The following DDX11 variants were observed in gnomAD, a reference collection of about 807,000 sequenced individuals.
DDX11 encodes the protein DEAD/H-box helicase 11, also known as ATP-dependent DNA helicase DDX11.
In DDX11, 72 loss-of-function variants were observed where a neutral mutation model predicts 125.2. The observed-to-expected ratio is 0.58, with a 90% confidence interval of 0.48 to 0.70. The LOEUF is 0.70. DDX11 is among the 30% of genes least tolerant of loss of function. The pLI, the probability that DDX11 is intolerant of heterozygous loss-of-function variation, is 0.00. For synonymous variants in DDX11, 347 were observed against 452.6 expected (o/e 0.77, Z 2.96); for missense variants, 883 against 1,165.0 (o/e 0.76, Z 3.52).
intron 17 of DDX11, among the ~76,000 whole-genome samples, chr12:31,097,524 C>T (rs1366015062): frequency 2.0e-5 from 3 of 148,414 alleles, no homozygotes; most frequent in Non-Finnish European, 4.5e-5. Flanking sequence ...ACTAAAAATA[C>T]AAAAAATTAG....
In DDX11 at chr12:31,094,740, T is replaced by C. The variant is rs543697597; in HGVS notation, c.1415-15T>C. On this transcript the variant is annotated splice_polypyrimidine_tract_variant and intron_variant, in intron 13 of 26. Coordinates refer to ENST00000542838, the MANE Select transcript of DDX11 (RefSeq NM_030653.4). The stretch of plus-strand genomic sequence containing the variant: ...AGGGTGAAGCTCCCAAGGCCCTTCA[T>C]GTGTTTGTTCTCAGGGACGGAGCTG... The C allele has an allele frequency of 6.2e-7, 1 of 1,609,886 alleles. No individual in the cohort carries two copies. Among genetic ancestry groups the C allele is most frequent in the East Asian group, 2.2e-5 (1 of 44,794 alleles).
chr12:31,075,564 T>C lies in DDX11; in HGVS notation c.-5+1473T>C, dbSNP rs919902540. ...ATACCACACAGGGTTTTTGTGGGGT[T>C]ATCTGAAAACGGTTTGAAACCATTA... On this transcript the variant is annotated intron_variant, in intron 1 of 26. Coordinates refer to ENST00000542838, the MANE Select transcript of DDX11 (RefSeq NM_030653.4). Among the ~76,000 whole-genome samples the C allele has an allele frequency of 2.0e-4, 31 of 152,138 alleles. No individual in the cohort carries two copies. The East Asian group carries it at 6.0e-3, about 29-fold the overall frequency.
In DDX11 at chr12:31,097,707, G is replaced by A. The variant is rs545703891; in HGVS notation, c.1763-178G>A. On this transcript the variant is annotated intron_variant, in intron 17 of 26. Transcript: ENST00000542838. Reference sequence around the variant, plus strand: ...AAAAAAAAAAAAAAAAGGATGGAGAGGACAGTGTGGTCCACCTCTGTGGGC... The same window carrying A: ...AAAAAAAAAAAAAAAAGGATGGAGAAGACAGTGTGGTCCACCTCTGTGGGC... Among the ~76,000 whole-genome samples the A allele has an allele frequency of 2.0e-5, 3 of 150,570 alleles. No homozygotes were observed. In the East Asian group the frequency reaches 5.9e-4, roughly 29 times the overall value.
At chr12:31,086,275 C>T (rs1434361731) in intron 5 of DDX11, 4 of 415,846 alleles carry the variant, frequency 9.6e-6, no homozygotes, top group Non-Finnish European at 1.9e-5. Flanking sequence ...GCTTGTGCTT[C>T]TGTTGTTGCC....
At chr12:31,079,674 A>C (rs561319602) in intron 2 of DDX11, among the ~76,000 whole-genome samples, 1 of 152,074 alleles carries the variant, frequency 6.6e-6, no homozygotes, top group South Asian at 2.1e-4. Flanking sequence ...GTTTGTTAAG[A>C]TGGGCAGTCT....
chr12:31,082,859 G>A (rs1418946754), intron 2 of DDX11, among the ~76,000 whole-genome samples: 5 of 152,186 alleles, frequency 3.3e-5, no homozygotes, highest in Non-Finnish European at 7.3e-5. Flanking sequence ...GATCTCTTCA[G>A]GCCCCTTTCC....
rs1028000674 is a variant in DDX11, at chr12:31,104,422, T to C, written c.*586T>C. On this transcript the variant is annotated 3_prime_UTR_variant, in exon 27 of 27. Transcript: ENST00000542838. ...ACAGCCCTGCCTGGATTTGTATCCT[T>C]GGCTTCGTGCCAGTTCCTCCAAGTC... The C allele has an allele frequency of 5.5e-5, 12 of 216,470 alleles. No individual in the cohort carries two copies. Among genetic ancestry groups the C allele is most frequent in the Non-Finnish European group, 1.0e-4 (11 of 108,216 alleles). 13.4% of individuals were successfully genotyped at this position (216,470 alleles called of 1,614,324 possible).
At chr12:31,095,317 T>C (rs1945034569) in intron 14 of DDX11, among the ~76,000 whole-genome samples, 1 of 152,222 alleles carries the variant, frequency 6.6e-6, no homozygotes, top group African/African-American at 2.4e-5. Flanking sequence ...GGTACAGGGT[T>C]CTGCCTCTGT....
intron 24 of DDX11, 21 bp from the exon 25 acceptor site, chr12:31,103,296 G>T (rs1440999824): frequency 6.2e-7 from 1 of 1,609,230 alleles, no homozygotes; most frequent in South Asian, 1.1e-5. Flanking sequence ...AGTCCTGATG[G>T]GTCTTCCCCT....
In DDX11 at chr12:31,096,962, G is replaced by A; in HGVS notation, c.1734G>A (p.Gln578=). ...GFLAALTTAN[Q]DGRVILSRQG... ...TGGCAGCTCTCACTACGGCCAACCA[G>A]GACGGCAGGGTCATCCTGAGCCGCC... The change falls in exon 17 of 27, where the codon CAG becomes CAA. Residue 578 remains glutamine, a synonymous_variant. Transcript: ENST00000542838. The A allele has an allele frequency of 6.2e-7, 1 of 1,613,884 alleles. No individual in the cohort carries two copies. The highest frequency in any genetic ancestry group is 1.3e-5 in the African/African-American group (1 of 75,042).
At chr12:31,097,320 T>G (rs767097868) in intron 17 of DDX11, among the ~76,000 whole-genome samples, 2 of 152,040 alleles carry the variant, frequency 1.3e-5, no homozygotes, top group Non-Finnish European at 2.9e-5. Context: ...GGGTCATGAT[T>G]TTGTCATCTA....
intron 18 of DDX11, chr12:31,100,365 G>A (rs1219457823): frequency 7.4e-5 from 24 of 324,550 alleles, no homozygotes; most frequent in Admixed American, 2.8e-4. Flanking sequence ...GAAAATTTTC[G>A]CTGGTGATTT....
chr12:31,097,415 C>T (rs1304260148), intron 17 of DDX11, among the ~76,000 whole-genome samples: 1 of 142,362 alleles, frequency 7.0e-6, no homozygotes, highest in East Asian at 2.2e-4. Context: ...CGCGGTGGCT[C>T]ACGCCTATAA....
chr12:31,083,684 A>C (rs1942461958), intron 2 of DDX11, 129 bp from the exon 3 acceptor site: 3 of 1,223,914 alleles, frequency 2.5e-6, no homozygotes, highest in Non-Finnish European at 3.6e-6. Flanking sequence ...TTCCTTTCCT[A>C]GGCTGGTCTT....
rs763323290 is a variant in DDX11, at chr12:31,102,938, G to A, written c.2375G>A (p.Cys792Tyr). The A allele has an allele frequency of 1.2e-6, 2 of 1,613,978 alleles. No individual in the cohort carries two copies. The highest frequency in any genetic ancestry group is 1.1e-5 in the South Asian group (1 of 91,078). ...GINFSDNLGR[C>Y]VVMVGMPFPN... Reference sequence around the variant, plus strand: ...GGGCTCTTGTCTCCCCCGCCCAGGTGTGTGGTGATGGTGGGCATGCCCTTC... The same window carrying A: ...GGGCTCTTGTCTCCCCCGCCCAGGTATGTGGTGATGGTGGGCATGCCCTTC... The change falls in exon 24 of 27, where the codon TGT (cysteine) becomes TAT (tyrosine). Residue 792 changes from cysteine (C) to tyrosine (Y), a missense_variant and splice_region_variant. Cys to Tyr is a radical substitution (Grantham distance 194). Transcript: ENST00000542838.
At chr12:31,075,219 C>G (rs1940532111) in intron 1 of DDX11, among the ~76,000 whole-genome samples, 2 of 151,348 alleles carry the variant, frequency 1.3e-5, no homozygotes, top group Admixed American at 1.3e-4. Flanking sequence ...TCAGATTTAT[C>G]TAAACCTCTA....
At chr12:31,089,615 T>G in intron 8 of DDX11, 125 bp downstream of exon 8, 1 of 1,107,130 alleles carries the variant, frequency 9.0e-7, no homozygotes, top group Non-Finnish European at 1.4e-6. Context: ...AGTTCCTTCC[T>G]GAGTCCCCTC....
intron 18 of DDX11, among the ~76,000 whole-genome samples, chr12:31,098,990 G>A (rs1945835547): frequency 6.6e-6 from 1 of 151,870 alleles, no homozygotes; most frequent in Non-Finnish European, 1.5e-5. Flanking sequence ...AGCTGTGGGT[G>A]CTAGGGTGTT....
chr12:31,089,757 C>G, intron 8 of DDX11, 129 bp from the exon 9 acceptor site: 1 of 1,488,554 alleles, frequency 6.7e-7, no homozygotes, highest in Non-Finnish European at 9.2e-7. Context: ...CCACAGTAGG[C>G]AGTACTTGGG....
Sources: allele counts gnomAD v4.1 joint callset (sites outside exome capture counted in the v4.1 genomes callset), GRCh38; gene constraint gnomAD v4.1.1; transcripts MANE v1.5; gene names NCBI Gene and HGNC (gene_info 2026-07-23, HGNC 2026-07-21).